The following HOOK2 variants were observed in gnomAD, a reference collection of about 807,000 sequenced individuals.
HOOK2 encodes hook microtubule tethering protein 2, also known as protein Hook homolog 2.
A neutral mutation model predicts 111.9 loss-of-function variants in HOOK2; 108 were observed. The ratio of observed to expected loss-of-function variants is 0.96; its 90% CI spans 0.83 to 1.13. HOOK2 has a LOEUF of 1.13. Among genes scored for constraint, HOOK2 ranks in the 50% most tolerant of loss-of-function variants. The pLI is 0.00. For synonymous variants in HOOK2, 405 were observed against 394.3 expected, an observed-to-expected ratio of 1.03 and a Z score of -0.32; for missense variants, 978 against 951.3, an observed-to-expected ratio of 1.03 and a Z score of -0.37.
At chr19:12,769,382 C>T (rs939744623) in intron 11 of HOOK2, among the ~76,000 whole-genome samples, 1 of 151,566 alleles carries the variant, frequency 6.6e-6, no homozygotes, top group African/African-American at 2.4e-5. Flanking sequence ...CCGCCTTGGC[C>T]TCCCAAAGTG....
rs1968721089 is a variant in HOOK2, at chr19:12,791,858, A to G, written n.42-17633T>C. On this transcript the variant is annotated intron_variant and non_coding_transcript_variant, in intron 3 of 3. Coordinates refer to the HOOK2 transcript ENST00000589765. The surrounding 1 kb of genome is among the most constrained non-coding windows in gnomAD (Gnocchi z 7.0). ...GCCGGGCCCCTGGTGGCCTCTCTCT[A>G]CACGACTACAAACTCCTGAAACCGA... is the stretch of plus-strand genomic sequence containing the variant. 2.5e-6 allele frequency: 4 copies of G among 1,613,568 alleles called. No individual in the cohort carries two copies. In the East Asian group the frequency reaches 8.9e-5, roughly 36 times the overall value.
chr19:12,784,988 G>A (rs997173349), intron 3 of HOOK2: 2 of 152,426 alleles, frequency 1.3e-5, no homozygotes, highest in African/African-American at 4.8e-5. Context: ...ACACACACAT[G>A]TGGGACCTGG....
intron 3 of HOOK2, chr19:12,792,191 C>G (rs17883257): frequency 2.5e-6 from 4 of 1,580,086 alleles, no homozygotes; most frequent in East Asian, 2.3e-5. Context: ...ACGGCTTTGT[C>G]AAAGCCCTGG....
chr19:12,774,551 G>A (rs1441370271), intron 3 of HOOK2, 118 bp downstream of exon 3: 1 of 953,368 alleles, frequency 1.0e-6, no homozygotes, highest in African/African-American at 1.6e-5. Context: ...ATGAACAAAT[G>A]GTTGATCACC....
At chr19:12,764,108 G>A (rs962787753) in intron 20 of HOOK2, among the ~76,000 whole-genome samples, 44 of 152,086 alleles carry the variant, frequency 2.9e-4, no homozygotes, top group African/African-American at 3.9e-4. Flanking sequence ...TTTGCCTCCC[G>A]GGTTCAAGTG....
At chr19:12,774,389 A>G in intron 3 of HOOK2, 1 of 517,788 alleles carries the variant, frequency 1.9e-6, no homozygotes. Context: ...TACAGGCATG[A>G]GCCACTGCGC....
intron 3 of HOOK2, among the ~76,000 whole-genome samples, chr19:12,783,907 G>T (rs1378302628): frequency 6.6e-6 from 1 of 152,106 alleles, no homozygotes; most frequent in Non-Finnish European, 1.5e-5. Flanking sequence ...CCCTGCCCGA[G>T]GCAGGCACCC....
At position 12,772,901 on chromosome 19, in the gene HOOK2, A is replaced by G. The variant is rs1456326655; in HGVS notation, c.267T>C (p.His89=). The stretch of plus-strand genomic sequence containing the variant: ...CTGGGAGATGCTCTTCTGACACAGG[A>G]TGCGCCAGGACCTGGGGAGAAGGGG... The part of the protein sequence containing the change: ...LVEYSQDVLA[H]PVSEEHLPDV... The change falls in exon 5 of 23, where the codon CAT becomes CAC. Residue 89 remains histidine (H), a synonymous_variant. Transcript: ENST00000397668. The G allele has an allele frequency of 6.2e-7, 1 of 1,614,078 alleles. No homozygotes were observed. The highest frequency in any genetic ancestry group is 1.7e-5 in the Admixed American group (1 of 60,008).
chr19:12,775,267 C>A (rs1269914314), intron 1 of HOOK2, 138 bp downstream of exon 1: 45 of 1,466,104 alleles, frequency 3.1e-5, no homozygotes, highest in Non-Finnish European at 4.0e-5. Context: ...GGTGCTCGGG[C>A]CAGAGTCCAA....
intron 3 of HOOK2, chr19:12,792,278 CG>C: frequency 6.7e-7 from 1 of 1,496,020 alleles, no homozygotes; most frequent in Admixed American, 2.4e-5. Context: ...CGGCTGGGCC[CG>C]GGGGCGTCTA....
chr19:12,775,792 C>T (rs1162224861), upstream of HOOK2, among the ~76,000 whole-genome samples: 1 of 152,222 alleles, frequency 6.6e-6, no homozygotes, highest in South Asian at 2.1e-4. Flanking sequence ...GTGGGAGGTC[C>T]TCAAGATCCT....
At chr19:12,789,401 C>G (rs886621024) in intron 3 of HOOK2, among the ~76,000 whole-genome samples, 1 of 151,992 alleles carries the variant, frequency 6.6e-6, no homozygotes, top group African/African-American at 2.4e-5. Flanking sequence ...TTCTCTGACT[C>G]GGGGAGGGAA....
Position 12,774,750 on chromosome 19 carries a change from G to A in HOOK2, c.132-9C>T. 4.3e-6 allele frequency: 7 copies of A among 1,613,738 alleles called. No individual in the cohort carries two copies. The highest frequency in any genetic ancestry group is 2.2e-5 in the East Asian group (1 of 44,862). On this transcript the variant is annotated splice_polypyrimidine_tract_variant and intron_variant, in intron 2 of 22. Transcript: ENST00000397668. Reference sequence around the variant, plus strand: ...TGAACCAGGAGGGGTCTCTGGGGGCGAGAAGGTGGGATGAGCAGACTGGGG... The same window carrying A: ...TGAACCAGGAGGGGTCTCTGGGGGCAAGAAGGTGGGATGAGCAGACTGGGG...
upstream of HOOK2, among the ~76,000 whole-genome samples, chr19:12,776,822 T>C (rs1968526935): frequency 6.6e-6 from 1 of 151,540 alleles, no homozygotes; most frequent in East Asian, 1.9e-4. Context: ...CACTCCAGTC[T>C]GGGTGACAGA....
intron 3 of HOOK2, among the ~76,000 whole-genome samples, chr19:12,785,545 A>G (rs1308409892): frequency 6.6e-6 from 1 of 152,126 alleles, no homozygotes; most frequent in African/African-American, 2.4e-5. Flanking sequence ...ACGTACATAC[A>G]TCTAGACCAT....
rs368833747 is a variant in HOOK2, at chr19:12,766,286, G to T, written c.1374-46C>A. The T allele has an allele frequency of 6.9e-4, 1,024 of 1,488,436 alleles. 2 individuals are homozygous for T. Among genetic ancestry groups the T allele is most frequent in the Non-Finnish European group, 8.3e-4 (927 of 1,120,338 alleles). The allele number at this position is 1,488,436 out of a possible 1,614,324, so 92.2% of individuals were successfully genotyped here. On this transcript the variant is annotated intron_variant, in intron 14 of 22. Coordinates refer to ENST00000397668, the MANE Select transcript of HOOK2 (RefSeq NM_013312.3). ...AGCAGGGCCAGGGTCGAGTCACCTC[G>T]CAGGCTCGCTGGGGCTCAGGGAGAG...
Position 12,767,898 on chromosome 19 carries a change from C to T in HOOK2, c.1221G>A (p.Leu407=), listed in dbSNP as rs754354242. 3 of 1,610,618 alleles carry T rather than the reference C, an allele frequency of 1.9e-6. No homozygotes were observed. Among genetic ancestry groups the T allele is most frequent in the Middle Eastern group, 1.7e-4 (1 of 6,008 alleles). Residue 407 remains leucine, a synonymous_variant, in exon 13 of 23, where the codon CTG becomes CTA. Transcript: ENST00000397668. ...CCCGCAAGGAGTCCCGCTCCGCCAA[C>T]AGCCGCTGCAGGGACAGGGTACAAG... is the stretch of plus-strand genomic sequence containing the variant. ...YESVTKEKER[L]LAERDSLREA...
At chr19:12,768,895 T>G (rs1968232893) in intron 11 of HOOK2, among the ~76,000 whole-genome samples, 1 of 152,052 alleles carries the variant, frequency 6.6e-6, no homozygotes. Context: ...CCTCCCAGGT[T>G]CAAGCTATTC....
chr19:12,785,413 A>C (rs1421220898), intron 3 of HOOK2, among the ~76,000 whole-genome samples: 1 of 151,842 alleles, frequency 6.6e-6, no homozygotes, highest in Non-Finnish European at 1.5e-5. Flanking sequence ...GACCAGCCAC[A>C]GACCTCTTTT....
Sources: allele counts gnomAD v4.1 joint callset (sites outside exome capture counted in the v4.1 genomes callset), GRCh38; gene constraint gnomAD v4.1.1; non-coding constraint Gnocchi (gnomAD v3.1); transcripts MANE v1.5; gene names NCBI Gene and HGNC (gene_info 2026-07-23, HGNC 2026-07-21).